EDIL3: variants seen among roughly 807,000 people sequenced by gnomAD.
The protein encoded by EDIL3 is EGF-like repeat and discoidin I-like domain-containing protein 3.
EDIL3 carries 37 observed loss-of-function variants against 67.4 expected under a neutral mutation model. The ratio of observed to expected loss-of-function variants is 0.55; its 90% CI spans 0.42 to 0.72. EDIL3 has a LOEUF of 0.72. EDIL3 is among the 30% of genes least tolerant of loss of function. The pLI is 0.00. For missense variants in EDIL3, 527 were observed against 586.3 expected, an observed-to-expected ratio of 0.90 and a Z score of 1.04; for synonymous variants, 195 against 196.3, an observed-to-expected ratio of 0.99 and a Z score of 0.05.
At chr5:84,041,134 A>G (rs1398211669) in intron 9 of EDIL3, among the ~76,000 whole-genome samples, 1 of 126,074 alleles carries the variant, frequency 7.9e-6, no homozygotes, top group Non-Finnish European at 1.6e-5. Flanking sequence ...ATGTCTCAAA[A>G]TAAAAAAAAA....
chr5:84,375,433 T>A (rs563645225), intron 1 of EDIL3, among the ~76,000 whole-genome samples: 2 of 152,340 alleles, frequency 1.3e-5, no homozygotes, highest in Non-Finnish European at 2.9e-5. Context: ...AATATTCTAA[T>A]TGATGTGGTT....
chr5:84,005,030 A>G (rs533968946), intron 9 of EDIL3, among the ~76,000 whole-genome samples: 2 of 152,272 alleles, frequency 1.3e-5, no homozygotes, highest in African/African-American at 4.8e-5. Flanking sequence ...CCGCAGAAAT[A>G]CTAAGAACCC....
intron 3 of EDIL3, among the ~76,000 whole-genome samples, chr5:84,188,994 A>G (rs1411063737): frequency 1.3e-5 from 2 of 152,086 alleles, no homozygotes; most frequent in Non-Finnish European, 2.9e-5. Flanking sequence ...GGTAGGGAGC[A>G]CTATTTCACC....
chr5:84,249,397 ATCT>A (rs1744976597), intron 2 of EDIL3, among the ~76,000 whole-genome samples: 1 of 150,418 alleles, frequency 6.6e-6, no homozygotes, highest in Admixed American at 6.6e-5. Context: ...CTATCTATCT[ATCT>A]ATCTATCTAT....
intron 9 of EDIL3, among the ~76,000 whole-genome samples, chr5:84,020,478 C>A (rs931342571): frequency 6.6e-6 from 1 of 152,004 alleles, no homozygotes. Flanking sequence ...GATTTCTAAT[C>A]AAGGGAACAC....
chr5:84,106,031 C>T (rs924418819), intron 6 of EDIL3, among the ~76,000 whole-genome samples: 1 of 152,108 alleles, frequency 6.6e-6, no homozygotes, highest in African/African-American at 2.4e-5. Context: ...ACTCCTAGTA[C>T]ATAGTTCATC....
intron 3 of EDIL3, among the ~76,000 whole-genome samples, chr5:84,204,387 T>C (rs1743914058): frequency 6.6e-6 from 1 of 152,220 alleles, no homozygotes; most frequent in African/African-American, 2.4e-5. Context: ...ACTTTTCCTT[T>C]ATTCTCATCA....
intron 2 of EDIL3, among the ~76,000 whole-genome samples, chr5:84,234,469 T>TA (rs1744641181): frequency 6.6e-6 from 1 of 152,186 alleles, no homozygotes; most frequent in South Asian, 2.1e-4. Context: ...ATTACCCTGA[T>TA]ACAACACGAT....
At chr5:83,982,540 A>G (rs547709932) in intron 9 of EDIL3, among the ~76,000 whole-genome samples, 2 of 152,110 alleles carry the variant, frequency 1.3e-5, no homozygotes, top group South Asian at 4.1e-4. Flanking sequence ...TTTCTAACTC[A>G]TATTTAAGGG....
At chr5:84,333,046 G>C (rs1251373466) in intron 1 of EDIL3, among the ~76,000 whole-genome samples, 2 of 152,052 alleles carry the variant, frequency 1.3e-5, no homozygotes, top group Non-Finnish European at 2.9e-5. Flanking sequence ...TAATAACACA[G>C]CTAGATAGAT....
intron 9 of EDIL3, among the ~76,000 whole-genome samples, chr5:84,039,140 G>A (rs1419143139): frequency 1.3e-5 from 2 of 151,552 alleles, no homozygotes; most frequent in Non-Finnish European, 2.9e-5. Flanking sequence ...AATCCATTGA[G>A]CTAAAAACAG....
At chr5:84,200,876 G>A (rs1384296093) in intron 3 of EDIL3, among the ~76,000 whole-genome samples, 1 of 151,964 alleles carries the variant, frequency 6.6e-6, no homozygotes, top group East Asian at 1.9e-4. Context: ...AAGTCTATAT[G>A]ATTTACAGTG....
At chr5:84,163,638 G>A (rs1372418578) in intron 4 of EDIL3, among the ~76,000 whole-genome samples, 3 of 152,030 alleles carry the variant, frequency 2.0e-5, no homozygotes, top group Non-Finnish European at 2.9e-5. Flanking sequence ...AGCCATGCTA[G>A]GTCAATCTAT....
chr5:84,174,062 C>T (rs182489209), intron 4 of EDIL3, among the ~76,000 whole-genome samples: 2 of 152,192 alleles, frequency 1.3e-5, no homozygotes, highest in Non-Finnish European at 2.9e-5. Flanking sequence ...GATGAGGGGC[C>T]CATCAGGGTG....
At chr5:84,038,164 G>C (rs1746057602) in intron 9 of EDIL3, among the ~76,000 whole-genome samples, 2 of 151,686 alleles carry the variant, frequency 1.3e-5, no homozygotes, top group Admixed American at 1.3e-4. Flanking sequence ...CAGCATGCCA[G>C]GCTATGGAAT....
chr5:83,973,644 T>C (rs572292617), intron 9 of EDIL3, among the ~76,000 whole-genome samples: 49 of 152,160 alleles, frequency 3.2e-4, no homozygotes, highest in Admixed American at 7.9e-4. Context: ...TGACAATTAC[T>C]TTACTGAATA....
intron 9 of EDIL3, among the ~76,000 whole-genome samples, chr5:84,033,561 G>C (rs1179878303): frequency 6.6e-6 from 1 of 151,914 alleles, no homozygotes; most frequent in Non-Finnish European, 1.5e-5. Context: ...AAAATTAGCT[G>C]GGTGTGGTGG....
intron 1 of EDIL3, among the ~76,000 whole-genome samples, chr5:84,370,157 C>T (rs1399256238): frequency 6.6e-6 from 1 of 152,094 alleles, no homozygotes; most frequent in African/African-American, 2.4e-5. Flanking sequence ...CACACAATTA[C>T]CAGGGTCTCA....
intron 9 of EDIL3, among the ~76,000 whole-genome samples, chr5:84,023,777 GGACC>G (rs202225048): frequency 0.017 from 2,577 of 151,954 alleles, 21 homozygotes; most frequent in Non-Finnish European, 0.026. Flanking sequence ...TGTATACTGT[GGACC>G]CATTTACTAA....
Sources: gnomAD v4.1 joint callset for allele counts (sites outside exome capture counted in the v4.1 genomes callset) on GRCh38, gnomAD v4.1.1 for gene constraint, MANE v1.5 for transcripts, NCBI Gene and HGNC (gene_info 2026-07-23, HGNC 2026-07-21) for gene names.